Variants in NPHP4 observed in about 807,000 individuals in gnomAD.
The protein encoded by NPHP4 is nephrocystin-4.
In NPHP4, 151 loss-of-function variants were observed where a neutral mutation model predicts 155.8. That is an observed-to-expected ratio of 0.97 (90% CI 0.85 to 1.11). The LOEUF (loss-of-function observed/expected upper bound fraction) is 1.11, where lower values mean the gene tolerates loss of function less well. Among genes scored for constraint, NPHP4 ranks in the 50% least tolerant of loss-of-function variants. The pLI, the probability that NPHP4 is intolerant of heterozygous loss-of-function variation, is 0.00. For synonymous variants in NPHP4, 845 were observed against 816.8 expected, an observed-to-expected ratio of 1.03 and a Z score of -0.59; for missense variants, 1,956 against 1,925.7, an observed-to-expected ratio of 1.02 and a Z score of -0.29.
At chr1:5,864,762 GC>G in intron 27 of NPHP4, 1 of 540,242 alleles carries the variant, frequency 1.9e-6, no homozygotes, top group South Asian at 2.9e-5. Context: ...CAGAACTGAA[GC>G]CATCTTGGGC....
At position 5,907,177 on chromosome 1, in the gene NPHP4, G is replaced by A. The variant is rs1362583918; in HGVS notation, c.1549C>T (p.His517Tyr). 1 of 1,592,192 alleles carries A rather than the reference G, an allele frequency of 6.3e-7. No homozygotes were observed. Among genetic ancestry groups the A allele is most frequent in the East Asian group, 2.3e-5 (1 of 43,782 alleles). ...LAASPRSPTQ[H>Y]CLARPTSQLP... ...TGTGAAGTAGGCCTGGCCAAGCAGT[G>A]CTGAGTCGGGGACCGCGGGGAGGCC... The change falls in exon 13 of 30, where the codon CAC becomes TAC. Residue 517 changes from histidine (H) to tyrosine (Y), a missense_variant. His to Tyr is a moderately conservative substitution (Grantham distance 83). Transcript: ENST00000378156.
At position 5,865,204 on chromosome 1, in the gene NPHP4, G is replaced by A. The variant is rs770778934; in HGVS notation, c.3714C>T (p.Val1238=). The A allele has an allele frequency of 1.9e-6, 3 of 1,610,728 alleles. No individual in the cohort carries two copies. Among genetic ancestry groups the A allele is most frequent in the South Asian group, 2.2e-5 (2 of 90,876 alleles). ...GGGTCAGCTGGCCTGCGACGCAGGA[G>A]ACATCCACGCGCTGCAGGGAGTGGA... ...VYLHSLQRVD[V]SCVAGQLTRL... The change falls in exon 27 of 30, where the codon GTC becomes GTT. Residue 1238 remains valine (V), a synonymous_variant. Transcript: ENST00000378156.
At chr1:5,868,631 CAT>C (rs1451499890) in intron 23 of NPHP4, among the ~76,000 whole-genome samples, 1 of 150,424 alleles carries the variant, frequency 6.6e-6, no homozygotes, top group African/African-American at 2.5e-5. Context: ...CACATGCAAA[CAT>C]GCACCCATGC....
At chr1:5,972,260 G>A (rs12138609) in intron 3 of NPHP4, among the ~76,000 whole-genome samples, 18,100 of 152,290 alleles carry the variant, frequency 0.12, 1,399 homozygotes, top group Non-Finnish European at 0.17. Flanking sequence ...AAACAATGCA[G>A]AGACTTCATG....
At chr1:5,900,136 T>C (rs1374842031) in intron 16 of NPHP4, among the ~76,000 whole-genome samples, 4 of 152,230 alleles carry the variant, frequency 2.6e-5, no homozygotes, top group Admixed American at 6.5e-5. Context: ...CCCAGCCACT[T>C]TGGAAGACAG....
intron 18 of NPHP4, among the ~76,000 whole-genome samples, chr1:5,884,864 G>A (rs79967260): frequency 2.2e-5 from 3 of 137,058 alleles, no homozygotes; most frequent in South Asian, 2.4e-4. Context: ...GCTCCCAGCC[G>A]AGCCCCTGTC....
At chr1:5,964,391 A>G (rs937675254) in intron 5 of NPHP4, among the ~76,000 whole-genome samples, 15 of 152,300 alleles carry the variant, frequency 9.8e-5, no homozygotes, top group South Asian at 2.1e-4. Context: ...CTGACCAAAT[A>G]CCAGAGAGAG....
At chr1:5,991,419 C>G (rs1429357142) in intron 1 of NPHP4, 1 of 152,296 alleles carries the variant, frequency 6.6e-6, no homozygotes, top group Admixed American at 6.5e-5. Context: ...AACAGAAATA[C>G]TCCTCCTTTT....
intron 11 of NPHP4, among the ~76,000 whole-genome samples, chr1:5,927,257 G>A (rs534609458): frequency 6.6e-6 from 1 of 152,284 alleles, no homozygotes; most frequent in African/African-American, 2.4e-5. Context: ...CTAACTTTCG[G>A]GCAGGGCTTC....
chr1:5,908,165 G>A (rs1429690932), intron 12 of NPHP4, among the ~76,000 whole-genome samples: 1 of 152,236 alleles, frequency 6.6e-6, no homozygotes, highest in East Asian at 1.9e-4. Context: ...TCTTCAGGGA[G>A]CAGAGGAGAT....
intron 11 of NPHP4, among the ~76,000 whole-genome samples, chr1:5,921,069 A>C (rs1294476323): frequency 2.0e-5 from 3 of 152,268 alleles, no homozygotes; most frequent in Admixed American, 6.5e-5. Context: ...TCTAATATTC[A>C]ATAAGTATGC....
chr1:5,870,732 C>T (rs1380776098), intron 23 of NPHP4, among the ~76,000 whole-genome samples: 1 of 152,246 alleles, frequency 6.6e-6, no homozygotes, highest in African/African-American at 2.4e-5. Context: ...GTATGATGTT[C>T]GTAGAGGACA....
intron 4 of NPHP4, among the ~76,000 whole-genome samples, chr1:5,967,579 C>T (rs756673613): frequency 1.3e-5 from 2 of 152,190 alleles, no homozygotes; most frequent in South Asian, 2.1e-4. Flanking sequence ...CAGCCCCAAC[C>T]AAGGCAGCCT....
At chr1:5,977,672 C>T (rs1207331142) in intron 3 of NPHP4, among the ~76,000 whole-genome samples, 4 of 150,274 alleles carry the variant, frequency 2.7e-5, no homozygotes, top group Admixed American at 6.6e-5. Context: ...CAGAGCATGC[C>T]GGCCCGCAGG....
Position 5,910,834 on chromosome 1 carries a change from G to C in NPHP4, c.1442-1621C>G, listed in dbSNP as rs1390856231. Reference sequence around the variant, plus strand: ...CAAGGAGGTGCTTCCCCAGCTGCAGGATCTGGTGGAAACCCTGCTAAGGGC... The same window carrying C: ...CAAGGAGGTGCTTCCCCAGCTGCAGCATCTGGTGGAAACCCTGCTAAGGGC... On this transcript the variant is annotated intron_variant, in intron 11 of 29. Transcript: ENST00000378156. The surrounding 1 kb of genome is among the most constrained non-coding windows in gnomAD (Gnocchi z 5.4). Among the ~76,000 whole-genome samples, 2 of 152,194 alleles carry C rather than the reference G, an allele frequency of 1.3e-5. No individual in the cohort carries two copies. The highest frequency in any genetic ancestry group is 4.8e-5 in the African/African-American group (2 of 41,442).
chr1:5,904,704 C>A lies in NPHP4; in HGVS notation c.2056G>T (p.Val686Phe). ...PPATTPRLQLVQLDEAGQPSS... is the reference protein window; with the variant it reads ...PPATTPRLQLFQLDEAGQPSS... ...GGCTGGCCGGCCTCATCCAGCTGGA[C>A]CAGCTGCAGTCGTGGCGTCGTTGCG... The change falls in exon 16 of 30, where the codon GTC (valine) becomes TTC (phenylalanine). Residue 686 changes from valine (V) to phenylalanine (F), a missense_variant. Coordinates refer to ENST00000378156, the MANE Select transcript of NPHP4 (RefSeq NM_015102.5). 1 of 1,614,018 alleles carries A rather than the reference C, an allele frequency of 6.2e-7. No homozygotes were observed. Among genetic ancestry groups the A allele is most frequent in the Non-Finnish European group, 8.5e-7 (1 of 1,179,882 alleles).
intron 9 of NPHP4, among the ~76,000 whole-genome samples, chr1:5,941,019 C>T (rs1262210510): frequency 6.6e-6 from 1 of 152,102 alleles, no homozygotes; most frequent in Non-Finnish European, 1.5e-5. Context: ...AACCATAAAG[C>T]TGAACTTGCC....
intron 2 of NPHP4, among the ~76,000 whole-genome samples, chr1:5,985,156 T>A (rs891867025): frequency 1.3e-5 from 2 of 152,196 alleles, no homozygotes; most frequent in Non-Finnish European, 2.9e-5. Context: ...AATAGTAAAT[T>A]AGTCACAGAC....
At chr1:5,913,151 CAAAAAAAAAAA>C (rs34163161) in intron 11 of NPHP4, among the ~76,000 whole-genome samples, 1 of 81,822 alleles carries the variant, frequency 1.2e-5, no homozygotes, top group East Asian at 3.3e-4. Context: ...GACTCCATCT[CAAAAAAAAAAA>C]AAAAAAAAAG....
Sources: gnomAD v4.1 joint callset for allele counts (sites outside exome capture counted in the v4.1 genomes callset) on GRCh38, gnomAD v4.1.1 for gene constraint, Gnocchi (gnomAD v3.1) non-coding constraint, MANE v1.5 for transcripts, NCBI Gene and HGNC (gene_info 2026-07-23, HGNC 2026-07-21) for gene names.